Variants in ANK3 observed in about 807,000 individuals in gnomAD.
ANK3 encodes the protein ankyrin-3.
Under a neutral mutation model 370.9 loss-of-function variants are expected in ANK3, and 57 were observed. The ratio of observed to expected loss-of-function variants is 0.15; its 90% CI spans 0.12 to 0.19. The LOEUF is 0.19. Among genes scored for constraint, ANK3 ranks in the 10% least tolerant of loss-of-function variants. The probability of loss-of-function intolerance (pLI) is 1.00; values close to 1 mark genes in which losing one functional copy is unlikely to be tolerated. For synonymous variants in ANK3, 1,929 were observed against 1,946.3 expected, an observed-to-expected ratio of 0.99 and a Z score of 0.23; for missense variants, 4,439 against 5,302.1, an observed-to-expected ratio of 0.84 and a Z score of 5.06.
rs200605397 is a variant in ANK3 at position 60,068,803 on chromosome 10, G to A, written c.12078C>T (p.Ser4026=). 416 of 1,614,194 alleles carry A rather than the reference G, an allele frequency of 2.6e-4. No individual in the cohort carries two copies. The highest frequency in any genetic ancestry group is 3.1e-4 in the Non-Finnish European group (371 of 1,180,030). Residue 4026 remains serine (S), a synonymous_variant, in exon 37 of 44, where the codon TCC becomes TCT. Coordinates refer to ENST00000280772, the MANE Select transcript of ANK3 (RefSeq NM_020987.5). ...EEEKKMQSEL[S]DEEESTSRNT... The stretch of plus-strand genomic sequence containing the variant: ...TTCTTGAGGTACTTTCTTCCTCATC[G>A]GACAACTCGGACTGCATCTTTTTTT...
chr10:60,680,617 A>G (rs1364211324), intron 1 of ANK3, among the ~76,000 whole-genome samples: 1 of 152,094 alleles, frequency 6.6e-6, no homozygotes, highest in East Asian at 1.9e-4. Flanking sequence ...ATGTTTCTCA[A>G]ATCCGTGTCT....
intron 28 of ANK3, among the ~76,000 whole-genome samples, chr10:60,093,011 C>T (rs2089029714): frequency 6.6e-6 from 1 of 152,222 alleles, no homozygotes; most frequent in African/African-American, 2.4e-5. Context: ...GCTGGGATTA[C>T]AGGTGTGAGC....
intron 28 of ANK3, among the ~76,000 whole-genome samples, chr10:60,092,649 T>C (rs530297745): frequency 6.6e-6 from 1 of 152,358 alleles, no homozygotes; most frequent in East Asian, 1.9e-4. Flanking sequence ...ATTTTACTCC[T>C]TTTTGCCTCC....
At chr10:60,524,309 A>G (rs776548962) in intron 2 of ANK3, among the ~76,000 whole-genome samples, 4 of 152,106 alleles carry the variant, frequency 2.6e-5, no homozygotes, top group Non-Finnish European at 5.9e-5. Context: ...CTGGCTATGA[A>G]GAGAGTAATC....
intron 42 of ANK3, among the ~76,000 whole-genome samples, chr10:60,047,095 C>T (rs1464873030): frequency 6.6e-6 from 1 of 152,164 alleles, no homozygotes; most frequent in Non-Finnish European, 1.5e-5. Flanking sequence ...GCCTGAGCCA[C>T]CGCGCCCGGC....
chr10:60,271,896 G>T (rs1278428791), intron 4 of ANK3, among the ~76,000 whole-genome samples: 3 of 150,412 alleles, frequency 2.0e-5, no homozygotes, highest in Non-Finnish European at 3.0e-5. Context: ...TAACAAGTTA[G>T]GTGATCTAGT....
intron 1 of ANK3, among the ~76,000 whole-genome samples, chr10:60,324,313 A>C (rs779273916): frequency 5.9e-5 from 9 of 152,236 alleles, no homozygotes; most frequent in Non-Finnish European, 1.3e-4. Flanking sequence ...GGGACTTATT[A>C]GTACCATCAT....
intron 2 of ANK3, among the ~76,000 whole-genome samples, chr10:60,607,784 G>T (rs1595345511): frequency 6.6e-6 from 1 of 152,308 alleles, no homozygotes; most frequent in Admixed American, 6.5e-5. Flanking sequence ...TGGGACATAG[G>T]AGGTAGGGTA....
chr10:60,231,445 T>C (rs2097243696), intron 8 of ANK3, among the ~76,000 whole-genome samples: 2 of 152,178 alleles, frequency 1.3e-5, no homozygotes, highest in Non-Finnish European at 2.9e-5. Context: ...TCAGATTTAT[T>C]GAATGCAAGC....
Position 60,055,730 on chromosome 10 carries a change from C to A in ANK3, c.12993G>T (p.Arg4331Ser). The A allele has an allele frequency of 6.2e-7, 1 of 1,614,170 alleles. No individual in the cohort carries two copies. The highest frequency in any genetic ancestry group is 1.1e-5 in the South Asian group (1 of 91,076). Residue 4331 changes from arginine to serine, a missense_variant, in exon 42 of 44, where the codon AGG becomes AGT. Arg to Ser is a moderately radical substitution (Grantham distance 110, BLOSUM62 -1). Coordinates refer to ENST00000280772, the MANE Select transcript of ANK3 (RefSeq NM_020987.5). ...TTGGCTTGCCATCTGCTGGAGAAGT[C>A]CTACTCATCTTTTTCATACTGACAG... is the stretch of plus-strand genomic sequence containing the variant. ...CVPVSMKKMS[R>S]TSPADGKPRL...
At chr10:60,343,267 G>A (rs1179159651) in intron 1 of ANK3, among the ~76,000 whole-genome samples, 1 of 152,124 alleles carries the variant, frequency 6.6e-6, no homozygotes, top group Non-Finnish European at 1.5e-5. Context: ...TAGTGGTTTT[G>A]CATTCAGCAT....
chr10:60,523,832 C>T (rs7067976), intron 2 of ANK3, among the ~76,000 whole-genome samples: 2,004 of 152,188 alleles, frequency 0.013, 25 homozygotes, highest in African/African-American at 0.027. Flanking sequence ...TGGTCATATA[C>T]ACTCTTTGTC....
chr10:60,617,444 G>A (rs2078281006), intron 1 of ANK3, among the ~76,000 whole-genome samples: 1 of 152,090 alleles, frequency 6.6e-6, no homozygotes, highest in South Asian at 2.1e-4. Flanking sequence ...TGGGTCATCA[G>A]TGCAAAATTT....
At chr10:60,567,505 C>T (rs1343257031) in intron 2 of ANK3, among the ~76,000 whole-genome samples, 1 of 152,136 alleles carries the variant, frequency 6.6e-6, no homozygotes, top group Non-Finnish European at 1.5e-5. Context: ...TGACAATGCA[C>T]CTGATCACCC....
chr10:60,353,673 G>A lies in ANK3; in HGVS notation c.114+35752C>T, dbSNP rs182990518. On this transcript the variant is annotated intron_variant, in intron 1 of 43. Transcript: ENST00000280772. ...CCATCTCTCATTCTATTCCCTGCAT[G>A]TGCTGTTGCTTGTTCTGGGGAAAGG... Among the ~76,000 whole-genome samples the A allele has an allele frequency of 1.0e-3, 153 of 152,342 alleles. 1 individual carries two copies. The highest frequency in any genetic ancestry group is 3.6e-3 in the African/African-American group (151 of 41,572).
At chr10:60,451,705 C>T (rs1018833976) in intron 2 of ANK3, among the ~76,000 whole-genome samples, 1 of 152,204 alleles carries the variant, frequency 6.6e-6, no homozygotes, top group African/African-American at 2.4e-5. Flanking sequence ...GACTAGCTGG[C>T]ATTATGGTAG....
chr10:60,670,821 G>A (rs2079056302), intron 1 of ANK3, among the ~76,000 whole-genome samples: 1 of 152,232 alleles, frequency 6.6e-6, no homozygotes, highest in African/African-American at 2.4e-5. Context: ...CTCCAAGTGG[G>A]AGTGTTGTGC....
intron 23 of ANK3, among the ~76,000 whole-genome samples, chr10:60,154,710 A>C (rs1256323162): frequency 2.0e-5 from 3 of 152,096 alleles, no homozygotes; most frequent in Non-Finnish European, 2.9e-5. Context: ...CAGGAGAATC[A>C]CTTGAACCTG....
intron 2 of ANK3, among the ~76,000 whole-genome samples, chr10:60,581,816 A>G (rs925348479): frequency 6.6e-6 from 1 of 152,282 alleles, no homozygotes; most frequent in African/African-American, 2.4e-5. Context: ...TTGGAAGCCA[A>G]CATGAGAAAA....
Sources: allele counts gnomAD v4.1 joint callset (sites outside exome capture counted in the v4.1 genomes callset), GRCh38; gene constraint gnomAD v4.1.1; transcripts MANE v1.5; gene names NCBI Gene and HGNC (gene_info 2026-07-23, HGNC 2026-07-21).